The following ZFAND3 variants were observed in gnomAD, a reference collection of about 807,000 sequenced individuals.
The protein encoded by ZFAND3 is AN1-type zinc finger protein 3.
ZFAND3 carries 10 observed loss-of-function variants against 29.6 expected under a neutral mutation model. The observed-to-expected ratio is 0.34, with a 90% CI of 0.21 to 0.57. The LOEUF is 0.57. Among genes scored for constraint, ZFAND3 ranks in the 20% least tolerant of loss-of-function variants. The probability of loss-of-function intolerance (pLI) is 0.86; values close to 1 mark genes in which losing one functional copy is unlikely to be tolerated. For missense variants in ZFAND3, 230 were observed against 304.5 expected, an observed-to-expected ratio of 0.76 and a Z score of 1.82; for synonymous variants, 128 against 112.6, an observed-to-expected ratio of 1.14 and a Z score of -0.87.
intron 4 of ZFAND3, among the ~76,000 whole-genome samples, chr6:38,095,976 C>T (rs991500680): frequency 4.0e-5 from 6 of 151,724 alleles, no homozygotes; most frequent in Non-Finnish European, 7.4e-5. Flanking sequence ...GTGGCTACAG[C>T]GAGCCATGAT....
intron 2 of ZFAND3, among the ~76,000 whole-genome samples, chr6:38,049,979 G>A (rs1207076362): frequency 8.9e-6 from 1 of 112,596 alleles, no homozygotes; most frequent in African/African-American, 3.4e-5. Context: ...GGGGGAGACA[G>A]AGTCTCTCTC....
chr6:37,826,807 G>T (rs1311712596), intron 1 of ZFAND3, among the ~76,000 whole-genome samples: 1 of 151,820 alleles, frequency 6.6e-6, no homozygotes, highest in African/African-American at 2.4e-5. Flanking sequence ...TCCTAGAATG[G>T]CACTGCCCAG....
At position 38,153,804 on chromosome 6, in the gene ZFAND3, C is replaced by T. The variant is rs118083775; in HGVS notation, c.*1415C>T. 6.3e-5 allele frequency: 62 copies of T among 985,524 alleles called. No individual in the cohort carries two copies. In the East Asian group the frequency reaches 4.8e-3, roughly 76 times the overall value. The allele number at this position is 985,524 out of a possible 1,614,324, so 61.0% of individuals were successfully genotyped here. A position where few individuals can be genotyped will look rare whatever the true frequency, so the allele number is the denominator to read the frequency against. On this transcript the variant is annotated 3_prime_UTR_variant, in exon 6 of 6. Transcript: ENST00000287218. The stretch of plus-strand genomic sequence containing the variant: ...TGAGCAGTCCCAGTGGTCCTAGTGC[C>T]GCATCAGATCCAGGTGGGTGAGGGC...
At chr6:38,003,800 C>G (rs1444748341) in intron 2 of ZFAND3, 1 of 451,498 alleles carries the variant, frequency 2.2e-6, no homozygotes, top group East Asian at 7.4e-5. Flanking sequence ...GCTACAGTGC[C>G]TGGCTAGTCC....
At chr6:37,880,919 C>T (rs1561920816) in intron 1 of ZFAND3, among the ~76,000 whole-genome samples, 3 of 149,554 alleles carry the variant, frequency 2.0e-5, no homozygotes, top group African/African-American at 7.4e-5. Context: ...ATAGATGACA[C>T]GTTGGTGGGT....
chr6:38,080,401 T>C (rs1280786610), intron 3 of ZFAND3, among the ~76,000 whole-genome samples: 6 of 152,102 alleles, frequency 3.9e-5, no homozygotes, highest in Non-Finnish European at 7.4e-5. Context: ...TCACTGTCTA[T>C]GTAGCAATGA....
intron 2 of ZFAND3, among the ~76,000 whole-genome samples, chr6:37,933,472 A>C (rs1034298061): frequency 6.6e-6 from 1 of 152,214 alleles, no homozygotes; most frequent in Non-Finnish European, 1.5e-5. Context: ...TCATTACTTA[A>C]GCTGTTTCTC....
chr6:37,967,904 G>A (rs1334496835), intron 2 of ZFAND3, among the ~76,000 whole-genome samples: 1 of 152,078 alleles, frequency 6.6e-6, no homozygotes, highest in African/African-American at 2.4e-5. Context: ...GGGCTCTCAA[G>A]TAAATTTACT....
intron 2 of ZFAND3, among the ~76,000 whole-genome samples, chr6:37,983,639 G>A (rs1159243416): frequency 1.3e-5 from 2 of 152,102 alleles, no homozygotes; most frequent in Non-Finnish European, 2.9e-5. Flanking sequence ...GATTACAGGC[G>A]TGAGCCACCC....
In ZFAND3 at chr6:37,947,494, A is replaced by G. The variant is rs567447295; in HGVS notation, c.112+17495A>G. Among the ~76,000 whole-genome samples, 3 of 152,300 alleles carry G rather than the reference A, an allele frequency of 2.0e-5. No homozygotes were observed. In the East Asian group the frequency reaches 5.8e-4, roughly 29 times the overall value. On this transcript the variant is annotated intron_variant, in intron 2 of 5. Coordinates refer to ENST00000287218, the MANE Select transcript of ZFAND3 (RefSeq NM_021943.3). Reference sequence around the variant, plus strand: ...TTCCCTGGGAATAAAATTAGATGATATAGATGAAATCTCTTTAAAGGTATT... The same window carrying G: ...TTCCCTGGGAATAAAATTAGATGATGTAGATGAAATCTCTTTAAAGGTATT...
intron 1 of ZFAND3, among the ~76,000 whole-genome samples, chr6:37,827,218 A>G (rs1172751042): frequency 6.6e-6 from 1 of 152,216 alleles, no homozygotes; most frequent in African/African-American, 2.4e-5. Flanking sequence ...GGGAATTAAC[A>G]TTTCAGTAAT....
chr6:37,956,297 A>C (rs1038494949), intron 2 of ZFAND3, among the ~76,000 whole-genome samples: 1 of 152,192 alleles, frequency 6.6e-6, no homozygotes, highest in Non-Finnish European at 1.5e-5. Flanking sequence ...TTTAGGAGGC[A>C]TGAGGTGGGG....
At chr6:37,860,646 T>G (rs1406595971) in intron 1 of ZFAND3, among the ~76,000 whole-genome samples, 1 of 144,214 alleles carries the variant, frequency 6.9e-6, no homozygotes, top group African/African-American at 2.7e-5. Context: ...AGTTTTTTTT[T>G]TTTTTTTTTT....
chr6:37,988,319 A>G (rs2127434794), intron 2 of ZFAND3, among the ~76,000 whole-genome samples: 1 of 152,328 alleles, frequency 6.6e-6, no homozygotes, highest in East Asian at 1.9e-4. Context: ...CTGTGTAAAT[A>G]TGTGGTCTCA....
At chr6:38,117,735 A>G (rs887030827) in intron 5 of ZFAND3, among the ~76,000 whole-genome samples, 1 of 152,228 alleles carries the variant, frequency 6.6e-6, no homozygotes, top group Non-Finnish European at 1.5e-5. Context: ...TCCTACAAGT[A>G]CTATTGCTGA....
intron 1 of ZFAND3, among the ~76,000 whole-genome samples, chr6:37,848,131 A>G (rs1475332559): frequency 6.6e-6 from 1 of 152,202 alleles, no homozygotes. Context: ...TACAGATATC[A>G]TTACTGTTTT....
intron 4 of ZFAND3, among the ~76,000 whole-genome samples, chr6:38,097,793 A>G (rs1765011889): frequency 6.6e-6 from 1 of 152,188 alleles, no homozygotes; most frequent in South Asian, 2.1e-4. Context: ...GAGGGAGTGT[A>G]GAGGAAAGTG....
At chr6:38,014,095 G>A (rs1230114340) in intron 2 of ZFAND3, among the ~76,000 whole-genome samples, 3 of 152,068 alleles carry the variant, frequency 2.0e-5, no homozygotes, top group Non-Finnish European at 4.4e-5. Context: ...TGCAAGGGGA[G>A]AGAGAGAGAA....
chr6:38,096,084 A>G (rs1764972565), intron 4 of ZFAND3, among the ~76,000 whole-genome samples: 1 of 152,108 alleles, frequency 6.6e-6, no homozygotes. Flanking sequence ...TGTTACTACT[A>G]AGAAGTCAGA....
Sources: gnomAD v4.1 joint callset for allele counts (sites outside exome capture counted in the v4.1 genomes callset) on GRCh38, gnomAD v4.1.1 for gene constraint, MANE v1.5 for transcripts, NCBI Gene and HGNC (gene_info 2026-07-23, HGNC 2026-07-21) for gene names.